NCALD: variants seen among roughly 807,000 people sequenced by gnomAD.
NCALD encodes the protein neurocalcin-delta.
In NCALD, 10 loss-of-function variants were observed where a neutral mutation model predicts 18.6. The observed-to-expected ratio is 0.54, with a 90% CI of 0.33 to 0.91. The LOEUF (loss-of-function observed/expected upper bound fraction) is 0.91, where lower values mean the gene tolerates loss of function less well. Ranked by LOEUF, NCALD falls within the 40% of genes least tolerant of loss-of-function variation. NCALD has a pLI of 0.03. For missense variants in NCALD, 184 were observed against 247.6 expected (o/e 0.74, Z 1.72); for synonymous variants, 88 against 87.4 (o/e 1.01, Z -0.04).
chr8:101,688,518 C>T lies in NCALD; in HGVS notation c.*791G>A. The T allele has an allele frequency of 2.8e-6, 1 of 359,842 alleles. No homozygotes were observed. The highest frequency in any genetic ancestry group is 2.2e-5 in the South Asian group (1 of 46,468). The allele number at this position is 359,842 out of a possible 1,614,324, so 22.3% of individuals were successfully genotyped here. A position where few individuals can be genotyped will look rare whatever the true frequency, so the allele number is the denominator to read the frequency against. On this transcript the variant is annotated 3_prime_UTR_variant, in exon 4 of 4. Transcript: ENST00000220931. ...ATTAGTGCTCACTAAACATGCATTT[C>T]ATTTAAACAAGGCAAAACACTTAAT... is the stretch of plus-strand genomic sequence containing the variant.
At chr8:102,118,458 G>T (rs1316922108) in intron 1 of NCALD, among the ~76,000 whole-genome samples, 1 of 152,196 alleles carries the variant, frequency 6.6e-6, no homozygotes, top group African/African-American at 2.4e-5. Context: ...CTCCTTATGG[G>T]ATGCTGGAGG....
chr8:102,034,899 T>C (rs959416687), intron 1 of NCALD, among the ~76,000 whole-genome samples: 3 of 152,186 alleles, frequency 2.0e-5, no homozygotes, highest in African/African-American at 7.2e-5. Context: ...TGTATTCACA[T>C]TGTTGTGTAA....
chr8:101,713,977 T>C (rs1412088832), intron 2 of NCALD, among the ~76,000 whole-genome samples: 1 of 152,214 alleles, frequency 6.6e-6, no homozygotes, highest in Non-Finnish European at 1.5e-5. Flanking sequence ...AACTAGGTAT[T>C]GATGGAACAT....
chr8:101,972,653 T>C (rs1052100787), intron 2 of NCALD, among the ~76,000 whole-genome samples: 1 of 152,210 alleles, frequency 6.6e-6, no homozygotes, highest in African/African-American at 2.4e-5. Context: ...GAATTGGAAG[T>C]TACTTTTTCC....
At chr8:101,982,979 C>T (rs1057401245) in intron 2 of NCALD, among the ~76,000 whole-genome samples, 2 of 152,096 alleles carry the variant, frequency 1.3e-5, no homozygotes, top group African/African-American at 4.8e-5. Context: ...GCTTCAGCAC[C>T]AAAAGGCAGC....
intron 3 of NCALD, chr8:101,691,242 C>T (rs1814716240): frequency 1.0e-6 from 1 of 984,796 alleles, no homozygotes; most frequent in Non-Finnish European, 1.2e-6. Context: ...CTTCCTTCTA[C>T]AGCTCCCACC....
intron 1 of NCALD, among the ~76,000 whole-genome samples, chr8:102,110,692 A>T (rs1481887166): frequency 1.3e-5 from 2 of 152,272 alleles, no homozygotes; most frequent in Non-Finnish European, 1.5e-5. Context: ...GCTTTTGCTA[A>T]AAATGTGTTA....
At chr8:101,950,093 A>G (rs1017718051) in intron 2 of NCALD, among the ~76,000 whole-genome samples, 1 of 152,220 alleles carries the variant, frequency 6.6e-6, no homozygotes, top group African/African-American at 2.4e-5. Flanking sequence ...GATTGAAAAC[A>G]TGCATTTAGC....
chr8:101,818,010 G>A lies in NCALD; in HGVS notation c.-20+69131C>T, dbSNP rs905070598. On this transcript the variant is annotated intron_variant, in intron 4 of 6. Transcript: ENST00000311028. ...ATTTGCATTCTGAGCACTTGTGGTC[G>A]GGCTATGAAGTCAGGCTTTCCAGCT... 2.0e-5 allele frequency among the ~76,000 whole-genome samples: 3 copies of A among 152,222 alleles called. No homozygotes were observed. In the South Asian group the frequency reaches 6.2e-4, roughly 32 times the overall value.
chr8:101,766,870 C>T (rs923773349), intron 1 of NCALD, among the ~76,000 whole-genome samples: 6 of 152,188 alleles, frequency 3.9e-5, no homozygotes, highest in East Asian at 1.9e-4. Context: ...TAAGTCACTG[C>T]GCCTGGCCCC....
At chr8:101,960,784 C>T (rs1819806331) in intron 2 of NCALD, among the ~76,000 whole-genome samples, 1 of 152,080 alleles carries the variant, frequency 6.6e-6, no homozygotes. Context: ...TCACTTTTAC[C>T]CTCACCAATG....
chr8:101,913,634 G>A (rs1043825042), intron 3 of NCALD, among the ~76,000 whole-genome samples: 2 of 152,208 alleles, frequency 1.3e-5, no homozygotes, highest in Admixed American at 6.5e-5. Context: ...CCAGGCTGGA[G>A]TGCAAGGGCA....
At chr8:101,911,978 C>G (rs1817817005) in intron 3 of NCALD, among the ~76,000 whole-genome samples, 1 of 152,038 alleles carries the variant, frequency 6.6e-6, no homozygotes, top group South Asian at 2.1e-4. Flanking sequence ...GGTTTCTAGA[C>G]AGTTTAGTGT....
At chr8:101,969,081 G>T (rs1820139981) in intron 2 of NCALD, among the ~76,000 whole-genome samples, 1 of 152,204 alleles carries the variant, frequency 6.6e-6, no homozygotes, top group African/African-American at 2.4e-5. Context: ...AGCAGTCTCT[G>T]CAAGTGAGGA....
intron 1 of NCALD, among the ~76,000 whole-genome samples, chr8:101,749,013 G>A (rs1470941845): frequency 6.6e-6 from 1 of 152,184 alleles, no homozygotes; most frequent in Non-Finnish European, 1.5e-5. Flanking sequence ...GTATGTGTGT[G>A]TGTTTTCCAT....
rs868141604 is a variant in NCALD, at chr8:101,725,254, C to G, written c.-19-5606G>C. Among the ~76,000 whole-genome samples the G allele has an allele frequency of 3.5e-4, 54 of 152,306 alleles. No individual in the cohort carries two copies. The Middle Eastern group carries it at 0.02, about 58-fold the overall frequency. ...AGATCTCAGCTGGCAGAGAGACAAG[C>G]GGCTGAACATCAAGGGAGAAGAAGC... On this transcript the variant is annotated intron_variant, in intron 1 of 3. Transcript: ENST00000220931.
chr8:102,072,674 T>C (rs1824215799), intron 1 of NCALD, among the ~76,000 whole-genome samples: 1 of 152,106 alleles, frequency 6.6e-6, no homozygotes, highest in Non-Finnish European at 1.5e-5. Flanking sequence ...GTGCCTTAAT[T>C]AAAAATCATC....
At chr8:101,793,406 G>A (rs1268066977), upstream of NCALD, among the ~76,000 whole-genome samples, 1 of 151,494 alleles carries the variant, frequency 6.6e-6, no homozygotes, top group African/African-American at 2.4e-5. Context: ...GTGGGTGCAT[G>A]TAGCCCTTTT....
intron 1 of NCALD, among the ~76,000 whole-genome samples, chr8:101,738,353 G>A (rs1028639472): frequency 6.6e-6 from 1 of 152,088 alleles, no homozygotes; most frequent in Non-Finnish European, 1.5e-5. Flanking sequence ...AGATCAGCCT[G>A]CCCAACATGG....
Sources: allele counts gnomAD v4.1 joint callset (sites outside exome capture counted in the v4.1 genomes callset), GRCh38; gene constraint gnomAD v4.1.1; transcripts MANE v1.5; gene names NCBI Gene and HGNC (gene_info 2026-07-23, HGNC 2026-07-21).